IFT80: variants seen among roughly 807,000 people sequenced by gnomAD.
The protein encoded by IFT80 is intraflagellar transport 80, also known as intraflagellar transport protein 80 homolog.
Under a neutral mutation model 107.9 loss-of-function variants are expected in IFT80, and 79 were observed. That is an observed-to-expected ratio of 0.73 (90% CI 0.61 to 0.88). The LOEUF (loss-of-function observed/expected upper bound fraction) is 0.88, where lower values mean the gene tolerates loss of function less well. Ranked by LOEUF, IFT80 falls within the 40% of genes least tolerant of loss-of-function variation. The probability of loss-of-function intolerance (pLI) is 0.00; values close to 1 mark genes in which losing one functional copy is unlikely to be tolerated. For missense variants in IFT80, 797 were observed against 914.2 expected (o/e 0.87, Z 1.65); for synonymous variants, 299 against 300.9 (o/e 0.99, Z 0.07).
Position 160,399,200 on chromosome 3 carries a change from T to C in IFT80, c.-101A>G, listed in dbSNP as rs1352928073. ...CTCTCAAATACCTGGTACCTCCCCG[T>C]CACCATAGTGACTTCTAAGAGTTAC... On this transcript the variant is annotated 5_prime_UTR_variant, in exon 1 of 20. Transcript: ENST00000326448. 1.3e-5 allele frequency: 2 copies of C among 152,130 alleles called. No homozygotes were observed. The highest frequency in any genetic ancestry group is 2.9e-5 in the Non-Finnish European group (2 of 68,032). 9.4% of individuals were successfully genotyped at this position (152,130 alleles called of 1,614,324 possible). A position where few individuals can be genotyped will look rare whatever the true frequency, so the allele number is the denominator to read the frequency against.
chr3:160,343,872 G>C, intron 8 of IFT80: 1 of 245,028 alleles, frequency 4.1e-6, no homozygotes, highest in Non-Finnish European at 8.3e-6. Flanking sequence ...ACTAGGGCAA[G>C]TACCTGGCAT....
chr3:160,285,110 G>A (rs1255413790), intron 13 of IFT80, among the ~76,000 whole-genome samples: 1 of 152,048 alleles, frequency 6.6e-6, no homozygotes, highest in Non-Finnish European at 1.5e-5. Flanking sequence ...GGTCTGAGGC[G>A]AGTGGATTGC....
chr3:160,337,253 C>A (rs568307690), intron 8 of IFT80, among the ~76,000 whole-genome samples: 3 of 152,146 alleles, frequency 2.0e-5, no homozygotes, highest in Non-Finnish European at 4.4e-5. Context: ...ATTCTCTAGT[C>A]GATTCCTCAA....
intron 1 of IFT80, among the ~76,000 whole-genome samples, chr3:160,384,888 C>T (rs765106422): frequency 6.6e-6 from 1 of 152,224 alleles, no homozygotes; most frequent in Non-Finnish European, 1.5e-5. Context: ...CTACGCAGAA[C>T]ACCACTAGGT....
chr3:160,391,223 C>T (rs1713357778), intron 1 of IFT80, among the ~76,000 whole-genome samples: 1 of 152,120 alleles, frequency 6.6e-6, no homozygotes, highest in Non-Finnish European at 1.5e-5. Flanking sequence ...CTTTCTTGGG[C>T]CATCCCAAGA....
At chr3:160,349,947 C>A (rs1384810022) in intron 8 of IFT80, among the ~76,000 whole-genome samples, 1 of 152,146 alleles carries the variant, frequency 6.6e-6, no homozygotes, top group Admixed American at 6.5e-5. Context: ...ATCACACTAA[C>A]CTGCTTTGAC....
At chr3:160,376,175 C>G (rs1233016272) in intron 4 of IFT80, among the ~76,000 whole-genome samples, 1 of 152,126 alleles carries the variant, frequency 6.6e-6, no homozygotes, top group African/African-American at 2.4e-5. Flanking sequence ...GTATATTACT[C>G]AAATAATGTT....
In IFT80 at chr3:160,277,426, G is replaced by C; in HGVS notation, c.1979C>G (p.Ser660Ter). 6.2e-7 allele frequency: 1 copy of C among 1,611,640 alleles called. No individual in the cohort carries two copies. Residue 660 changes from serine (S) to a stop codon, truncating the protein, a stop_gained, in exon 18 of 20, where the codon TCA becomes TGA. Transcript: ENST00000326448. LOFTEE classifies it high-confidence loss of function. The stretch of plus-strand genomic sequence containing the variant: ...AAACAGTAGTATGTGGGCCATTTTT[G>C]ATTCTTTAGATGGAAGATTTTTTAT... Reference protein sequence around the residue: ...NSIKNLPSKESKMAHILLFSG... With the variant: ...NSIKNLPSKE
At chr3:160,318,533 T>C (rs1553758570) in intron 9 of IFT80, among the ~76,000 whole-genome samples, 1 of 152,010 alleles carries the variant, frequency 6.6e-6, no homozygotes, top group Non-Finnish European at 1.5e-5. Context: ...ATTAATATAT[T>C]AAAGGCAAGG....
chr3:160,304,777 T>C (rs1323760146), intron 10 of IFT80, among the ~76,000 whole-genome samples: 2 of 152,158 alleles, frequency 1.3e-5, no homozygotes, highest in East Asian at 3.9e-4. Context: ...TTAGCTTCCT[T>C]ATTTGTAAAA....
intron 1 of IFT80, among the ~76,000 whole-genome samples, chr3:160,386,392 A>G (rs1712935103): frequency 6.6e-6 from 1 of 152,220 alleles, no homozygotes; most frequent in South Asian, 2.1e-4. Flanking sequence ...AAAGGGATTG[A>G]TCATGAGGAT....
chr3:160,372,548 A>C (rs934607878), intron 5 of IFT80, among the ~76,000 whole-genome samples: 5 of 152,194 alleles, frequency 3.3e-5, no homozygotes, highest in Non-Finnish European at 7.3e-5. Context: ...CCAATGATTA[A>C]ACACTCAAAA....
rs1712486860 is a variant in IFT80 at position 160,257,919 on chromosome 3, T to C, written c.*606A>G. 1 of 153,930 alleles carries C rather than the reference T, an allele frequency of 6.5e-6. No individual in the cohort carries two copies. Among genetic ancestry groups the C allele is most frequent in the East Asian group, 1.9e-4 (1 of 5,246 alleles). 9.5% of individuals were successfully genotyped at this position (153,930 alleles called of 1,614,324 possible). On this transcript the variant is annotated 3_prime_UTR_variant, in exon 20 of 20. Transcript: ENST00000326448. ...TTTCAAGGTTTATCCTGAGGTAGTA[T>C]TTATCAGAATTTCATTCCTTTTTAA...
chr3:160,397,766 G>C (rs1237383021), intron 1 of IFT80, among the ~76,000 whole-genome samples: 1 of 133,606 alleles, frequency 7.5e-6, no homozygotes, highest in Non-Finnish European at 1.5e-5. Context: ...TTGTTGCCCA[G>C]GCTGTAGTGC....
intron 8 of IFT80, among the ~76,000 whole-genome samples, chr3:160,334,090 A>C (rs1719284500): frequency 1.3e-5 from 2 of 152,186 alleles, no homozygotes; most frequent in Non-Finnish European, 2.9e-5. Context: ...AAATGTTATT[A>C]TGTGGTACAT....
At chr3:160,391,272 C>A (rs1358588701) in intron 1 of IFT80, among the ~76,000 whole-genome samples, 3 of 152,190 alleles carry the variant, frequency 2.0e-5, no homozygotes, top group Admixed American at 2.0e-4. Context: ...AGCTTGCCTG[C>A]CCTGCATCAG....
intron 19 of IFT80, among the ~76,000 whole-genome samples, chr3:160,263,222 CCAGT>C (rs780890607): frequency 2.4e-4 from 36 of 152,310 alleles, no homozygotes; most frequent in Middle Eastern, 6.8e-3. Context: ...CCTCCCACCC[CCAGT>C]CACCACAACT....
At chr3:160,342,121 T>C (rs1305563053) in intron 8 of IFT80, among the ~76,000 whole-genome samples, 1 of 152,138 alleles carries the variant, frequency 6.6e-6, no homozygotes, top group African/African-American at 2.4e-5. Flanking sequence ...GCAAGCAGGA[T>C]GTCCGATGCC....
chr3:160,335,006 T>C (rs1269474679), intron 8 of IFT80, among the ~76,000 whole-genome samples: 3 of 152,108 alleles, frequency 2.0e-5, no homozygotes, highest in Non-Finnish European at 2.9e-5. Context: ...TCTAGGTCTT[T>C]TTAGTGGAAA....
Sources: allele counts gnomAD v4.1 joint callset (sites outside exome capture counted in the v4.1 genomes callset), GRCh38; gene constraint gnomAD v4.1.1; transcripts MANE v1.5; gene names NCBI Gene and HGNC (gene_info 2026-07-23, HGNC 2026-07-21).